The following BTBD9 variants were observed in gnomAD, a reference collection of about 807,000 sequenced individuals.
The protein encoded by BTBD9 is BTB domain containing 9.
BTBD9 carries 49 observed loss-of-function variants against 64.3 expected under a neutral mutation model. The ratio of observed to expected loss-of-function variants is 0.76; its 90% CI spans 0.61 to 0.97. BTBD9 has a LOEUF of 0.97. Ranked by LOEUF, BTBD9 falls within the 50% of genes least tolerant of loss-of-function variation. The probability of loss-of-function intolerance (pLI) is 0.00; values close to 1 mark genes in which losing one functional copy is unlikely to be tolerated. For synonymous variants in BTBD9, 260 were observed against 274.7 expected (o/e 0.95, Z 0.53); for missense variants, 598 against 762.1 (o/e 0.78, Z 2.53).
chr6:38,599,845 G>A (rs911425196), intron 1 of BTBD9, among the ~76,000 whole-genome samples: 4 of 152,178 alleles, frequency 2.6e-5, no homozygotes, highest in Non-Finnish European at 5.9e-5. Context: ...CAATAGCAGC[G>A]ATGCAGAAGA....
chr6:38,579,795 ATTAAT>A (rs1776208326), intron 5 of BTBD9, among the ~76,000 whole-genome samples: 1 of 152,230 alleles, frequency 6.6e-6, no homozygotes, highest in Non-Finnish European at 1.5e-5. Flanking sequence ...TTCACAATGT[ATTAAT>A]TTAAAAGTAA....
intron 6 of BTBD9, among the ~76,000 whole-genome samples, chr6:38,415,186 C>A (rs1044859751): frequency 3.3e-5 from 5 of 152,132 alleles, no homozygotes; most frequent in Non-Finnish European, 7.3e-5. Flanking sequence ...TCCCCAAAAT[C>A]TGTGAGTATA....
Position 38,333,696 on chromosome 6 carries a change from A to G in BTBD9, c.1264+11288T>C, listed in dbSNP as rs186372774. Among the ~76,000 whole-genome samples, 265 of 152,348 alleles carry G rather than the reference A, an allele frequency of 1.7e-3. 1 individual carries two copies. Among genetic ancestry groups the G allele is most frequent in the African/African-American group, 6.0e-3 (251 of 41,584 alleles). ...ACTGTAAGTTTCGTGAAGCCTCTGC[A>G]GAAGCAGAAGCCCGTACAGCCCACA... On this transcript the variant is annotated intron_variant, in intron 7 of 10. Transcript: ENST00000481247.
At chr6:38,201,942 A>T (rs1488952924) in intron 9 of BTBD9, among the ~76,000 whole-genome samples, 1 of 152,200 alleles carries the variant, frequency 6.6e-6, no homozygotes, top group Non-Finnish European at 1.5e-5. Context: ...AACTGAAGAG[A>T]ATACAAACAA....
intron 7 of BTBD9, among the ~76,000 whole-genome samples, chr6:38,334,914 C>T (rs988793471): frequency 1.3e-5 from 2 of 152,026 alleles, no homozygotes; most frequent in Non-Finnish European, 2.9e-5. Flanking sequence ...GGCTTTGTGT[C>T]CCCACCCAAA....
At chr6:38,481,639 A>T (rs1216701238) in intron 6 of BTBD9, 1 of 152,188 alleles carries the variant, frequency 6.6e-6, no homozygotes, top group East Asian at 1.9e-4. Context: ...GGCTGGCAGC[A>T]CCATTTGCTA....
chr6:38,542,404 T>C (rs1473480989), intron 6 of BTBD9, among the ~76,000 whole-genome samples: 1 of 152,130 alleles, frequency 6.6e-6, no homozygotes, highest in African/African-American at 2.4e-5. Context: ...TCTCATTCTC[T>C]CCTCTATCCA....
chr6:38,421,626 A>G (rs941338440), intron 6 of BTBD9, among the ~76,000 whole-genome samples: 3 of 152,238 alleles, frequency 2.0e-5, no homozygotes, highest in African/African-American at 7.2e-5. Flanking sequence ...GTTCATAGTA[A>G]TATAGCTAGT....
rs1416424311 is a variant in BTBD9 at position 38,308,838 on chromosome 6, GT to G, written c.1265-20378del. On this transcript the variant is annotated intron_variant, in intron 7 of 10. Transcript: ENST00000481247. ...GGATTTTGCTATATTGCCCAGGCTGGTCTCAAACTCCTGAGCTCAAGCATTT... is the reference window on the plus strand; with the variant it reads ...GGATTTTGCTATATTGCCCAGGCTGGCTCAAACTCCTGAGCTCAAGCATTT... Among the ~76,000 whole-genome samples, 17 of 151,882 alleles carry G rather than the reference GT, an allele frequency of 1.1e-4. No individual in the cohort carries two copies. In the East Asian group the frequency reaches 3.1e-3, roughly 28 times the overall value.
At chr6:38,374,290 T>TATATATATATAC (rs1344883215) in intron 6 of BTBD9, among the ~76,000 whole-genome samples, 1 of 72,318 alleles carries the variant, frequency 1.4e-5, no homozygotes, top group Non-Finnish European at 2.2e-5. Context: ...AAAGTATATA[T>TATATATATATAC]ATATATGTAT....
intron 6 of BTBD9, among the ~76,000 whole-genome samples, chr6:38,470,891 C>T (rs1412702912): frequency 6.6e-6 from 1 of 152,238 alleles, no homozygotes; most frequent in Non-Finnish European, 1.5e-5. Context: ...TTTAAAATCA[C>T]ATTTAATTAT....
intron 9 of BTBD9, among the ~76,000 whole-genome samples, chr6:38,254,900 C>A (rs1277137546): frequency 6.6e-6 from 1 of 152,296 alleles, no homozygotes; most frequent in African/African-American, 2.4e-5. Context: ...CCCAGCAATT[C>A]TACTCTCAGA....
At chr6:38,295,189 C>T (rs184400477) in intron 7 of BTBD9, among the ~76,000 whole-genome samples, 13 of 152,122 alleles carry the variant, frequency 8.5e-5, no homozygotes, top group East Asian at 7.7e-4. Context: ...TGTTGAGACA[C>T]GGTCTCATTC....
intron 7 of BTBD9, among the ~76,000 whole-genome samples, chr6:38,315,930 T>TG (rs1261278763): frequency 6.6e-6 from 1 of 152,216 alleles, no homozygotes; most frequent in Non-Finnish European, 1.5e-5. Flanking sequence ...TAGCTATCAT[T>TG]GTATTAGAGT....
chr6:38,285,229 C>T (rs1432370362), intron 8 of BTBD9, among the ~76,000 whole-genome samples: 3 of 152,008 alleles, frequency 2.0e-5, no homozygotes, highest in Non-Finnish European at 4.4e-5. Flanking sequence ...AACTATTGTG[C>T]AACTATGGTA....
intron 6 of BTBD9, among the ~76,000 whole-genome samples, chr6:38,386,488 C>A (rs893962914): frequency 6.6e-6 from 1 of 152,084 alleles, no homozygotes; most frequent in East Asian, 1.9e-4. Context: ...TGCAATATAG[C>A]GCTCACAGGC....
intron 1 of BTBD9, among the ~76,000 whole-genome samples, chr6:38,614,814 C>T (rs563571137): frequency 6.6e-6 from 1 of 152,344 alleles, no homozygotes; most frequent in African/African-American, 2.4e-5. Flanking sequence ...TAAGTGATCT[C>T]CCGCTTTCCA....
rs1434020671 is a variant in BTBD9, at chr6:38,170,199, G to A, written c.*4786C>T. ...TTTTTAAGTGAGTAAAGAGAACAGT[G>A]ATTTTCAAACAATGGTGTGTCGGGT... On this transcript the variant is annotated 3_prime_UTR_variant, in exon 11 of 11. Coordinates refer to ENST00000481247, the MANE Select transcript of BTBD9 (RefSeq NM_001099272.2). 6.6e-6 allele frequency: 1 copy of A among 152,288 alleles called. No individual in the cohort carries two copies. The highest frequency in any genetic ancestry group is 2.4e-5 in the African/African-American group (1 of 41,452). The allele number at this position is 152,288 out of a possible 1,614,324, so 9.4% of individuals were successfully genotyped here.
intron 6 of BTBD9, among the ~76,000 whole-genome samples, chr6:38,466,863 C>A (rs1303658507): frequency 6.6e-6 from 1 of 152,258 alleles, no homozygotes; most frequent in East Asian, 1.9e-4. Flanking sequence ...CAGGCGTGAG[C>A]CACCGTACCC....
Sources: gnomAD v4.1 joint callset for allele counts (sites outside exome capture counted in the v4.1 genomes callset) on GRCh38, gnomAD v4.1.1 for gene constraint, MANE v1.5 for transcripts, NCBI Gene and HGNC (gene_info 2026-07-23, HGNC 2026-07-21) for gene names.